ZSWIM5: variants seen among roughly 807,000 people sequenced by gnomAD.
The protein encoded by ZSWIM5 is zinc finger SWIM domain-containing protein 5.
A neutral mutation model predicts 119.6 loss-of-function variants in ZSWIM5; 55 were observed. That is an observed-to-expected ratio of 0.46 (90% confidence interval 0.37 to 0.58). The LOEUF (loss-of-function observed/expected upper bound fraction) is 0.58. Ranked by LOEUF, ZSWIM5 falls within the 20% of genes least tolerant of loss-of-function variation. The pLI, the probability that ZSWIM5 is intolerant of heterozygous loss-of-function variation, is 0.00. For synonymous variants in ZSWIM5, 537 were observed against 606.9 expected (o/e 0.88, Z 1.69); for missense variants, 1,193 against 1,512.8 (o/e 0.79, Z 3.51).
At chr1:45,030,146 GT>G (rs1258464795) in intron 11 of ZSWIM5, among the ~76,000 whole-genome samples, 1 of 152,020 alleles carries the variant, frequency 6.6e-6, no homozygotes, top group African/African-American at 2.4e-5. Context: ...GTCTCACTAT[GT>G]TGCCCAGGCT....
chr1:45,020,853 AATAG>A, intron 11 of ZSWIM5, 65 bp from the exon 12 acceptor site: 1 of 1,533,328 alleles, frequency 6.5e-7, no homozygotes, highest in South Asian at 1.2e-5. Flanking sequence ...AGCTGACTGC[AATAG>A]ATACTCATTG....
intron 1 of ZSWIM5, among the ~76,000 whole-genome samples, chr1:45,199,614 G>C (rs1646147446): frequency 6.6e-6 from 1 of 152,038 alleles, no homozygotes; most frequent in South Asian, 2.1e-4. Context: ...TTTAAATAAG[G>C]TAACTATGTT....
At chr1:45,020,486 C>A (rs767879741) in intron 12 of ZSWIM5, 139 bp downstream of exon 12, 1 of 1,079,214 alleles carries the variant, frequency 9.3e-7, no homozygotes, top group Non-Finnish European at 1.4e-6. Context: ...CTTGCCTTTT[C>A]CCTAGCCTAG....
Position 45,028,802 on chromosome 1 carries a change from G to A in ZSWIM5, c.2449+5510C>T, listed in dbSNP as rs12040867. Among the ~76,000 whole-genome samples the A allele has an allele frequency of 1.0e-3, 158 of 151,886 alleles. 2 individuals carry two copies. In the East Asian group the frequency reaches 0.027, roughly 26 times the overall value. ...TAAATAAAAATAATAATTTTCCTTG[G>A]CTAAGTGTGGTGGCTCACACCTGTA... On this transcript the variant is annotated intron_variant, in intron 11 of 13. Coordinates refer to ENST00000359600, the MANE Select transcript of ZSWIM5 (RefSeq NM_020883.2).
At chr1:45,121,083 G>T (rs1479333128) in intron 1 of ZSWIM5, among the ~76,000 whole-genome samples, 1 of 152,096 alleles carries the variant, frequency 6.6e-6, no homozygotes, top group Non-Finnish European at 1.5e-5. Flanking sequence ...CCGAGTAGCT[G>T]GGACTACAGG....
In ZSWIM5 at chr1:45,051,155, A is replaced by C. The variant is rs1645086256; in HGVS notation, c.1351T>G (p.Cys451Gly). 1 of 1,614,112 alleles carries C rather than the reference A, an allele frequency of 6.2e-7. No homozygotes were observed. The highest frequency in any genetic ancestry group is 1.1e-5 in the South Asian group (1 of 91,090). ...CCATAGTTTCCATCCTCCAGGGGAC[A>C]GACATCCAGGTCGCTCCACTTCTGC... is the stretch of plus-strand genomic sequence containing the variant. ...QLQKWSDLDV[C>G]PLEDGNYGHE... is the part of the protein sequence containing the mutation. Residue 451 changes from cysteine to glycine, a missense_variant, in exon 5 of 14, where the codon TGT becomes GGT. By Grantham distance (159) the Cys-to-Gly change is radical (BLOSUM62 -3). Transcript: ENST00000359600.
At chr1:45,128,165 C>T (rs1645632167) in intron 1 of ZSWIM5, among the ~76,000 whole-genome samples, 1 of 152,152 alleles carries the variant, frequency 6.6e-6, no homozygotes, top group Non-Finnish European at 1.5e-5. Context: ...GTCAAAGGCA[C>T]TTAAATACGG....
chr1:45,138,088 A>G (rs1475750575), intron 1 of ZSWIM5, among the ~76,000 whole-genome samples: 1 of 152,230 alleles, frequency 6.6e-6, no homozygotes, highest in Non-Finnish European at 1.5e-5. Context: ...CTCCATAAAT[A>G]GAAAACATGC....
intron 2 of ZSWIM5, among the ~76,000 whole-genome samples, chr1:45,086,924 C>A (rs1645333917): frequency 2.1e-5 from 3 of 144,600 alleles, no homozygotes; most frequent in Non-Finnish European, 3.0e-5. Context: ...TGCTCTGTCA[C>A]CCAGGCTGGA....
chr1:45,172,801 T>C (rs1171695783), intron 1 of ZSWIM5, among the ~76,000 whole-genome samples: 1 of 152,130 alleles, frequency 6.6e-6, no homozygotes, highest in African/African-American at 2.4e-5. Flanking sequence ...ATATATTTAG[T>C]TTATAATTAT....
At chr1:45,191,304 A>C (rs1410082388) in intron 1 of ZSWIM5, among the ~76,000 whole-genome samples, 1 of 152,168 alleles carries the variant, frequency 6.6e-6, no homozygotes, top group Non-Finnish European at 1.5e-5. Flanking sequence ...GTATGACCTC[A>C]GATGAAGCAG....
In ZSWIM5 at chr1:45,205,803, C is replaced by A. The variant is rs1226749957; in HGVS notation, c.548G>T (p.Gly183Val). 7 of 1,550,446 alleles carry A rather than the reference C, an allele frequency of 4.5e-6. No homozygotes were observed. The highest frequency in any genetic ancestry group is 6.1e-6 in the Non-Finnish European group (7 of 1,152,852). The change falls in exon 1 of 14, where the codon GGC (glycine) becomes GTC (valine). Residue 183 changes from glycine to valine, a missense_variant. Gly to Val is a moderately radical substitution (Grantham distance 109, BLOSUM62 -3). Coordinates refer to ENST00000359600, the MANE Select transcript of ZSWIM5 (RefSeq NM_020883.2). ...CGGEGLPFRR[G>V]IRLLDSGSVE... is the part of the protein sequence containing the mutation. ...GGAGCCGCTGTCCAGCAGACGGATGCCCCGGCGGAACGGGAGCCCCTCGCC... is the reference window on the plus strand; with the variant it reads ...GGAGCCGCTGTCCAGCAGACGGATGACCCGGCGGAACGGGAGCCCCTCGCC...
At chr1:45,110,665 A>G (rs1297031486) in intron 1 of ZSWIM5, among the ~76,000 whole-genome samples, 1 of 152,200 alleles carries the variant, frequency 6.6e-6, no homozygotes, top group Non-Finnish European at 1.5e-5. Flanking sequence ...CAGGTAAAGC[A>G]TTTTCTCATG....
At chr1:45,081,363 C>T (rs560727527) in intron 2 of ZSWIM5, among the ~76,000 whole-genome samples, 5 of 152,176 alleles carry the variant, frequency 3.3e-5, no homozygotes, top group Admixed American at 6.5e-5. Context: ...CACGCCAAGC[C>T]GAAGCTGGAC....
rs577961589 is a variant in ZSWIM5 at position 45,072,555 on chromosome 1, G to C, written c.953-12308C>G. Among the ~76,000 whole-genome samples the C allele has an allele frequency of 1.1e-3, 167 of 152,046 alleles. 2 individuals carry two copies. Among genetic ancestry groups the C allele is most frequent in the African/African-American group, 3.8e-3 (159 of 41,346 alleles). On this transcript the variant is annotated intron_variant, in intron 2 of 13. Transcript: ENST00000359600. This position sits in a 1 kb window ranked among gnomAD's most constrained non-coding sequence, Gnocchi z 4.1. ...TCTTGTAGTAGTTTCATAGTTTCAG[G>C]TCTTAGATTTAAGTCTTTAATCCAT... is the stretch of plus-strand genomic sequence containing the variant.
chr1:45,146,660 G>A (rs1439437878), intron 1 of ZSWIM5, among the ~76,000 whole-genome samples: 2 of 150,894 alleles, frequency 1.3e-5, no homozygotes, highest in South Asian at 2.1e-4. Flanking sequence ...GGCTGGTCTC[G>A]AACTCCTGGC....
At chr1:45,159,284 T>C (rs1645849022) in intron 1 of ZSWIM5, among the ~76,000 whole-genome samples, 1 of 152,130 alleles carries the variant, frequency 6.6e-6, no homozygotes, top group South Asian at 2.1e-4. Flanking sequence ...TTTATTGCTA[T>C]AAAAATTTCA....
At chr1:45,029,099 C>T (rs1285764803) in intron 11 of ZSWIM5, among the ~76,000 whole-genome samples, 1 of 152,226 alleles carries the variant, frequency 6.6e-6, no homozygotes, top group Non-Finnish European at 1.5e-5. Context: ...TCTCCTACAC[C>T]CACAAGACAA....
At chr1:45,024,770 T>C (rs1357558886) in intron 11 of ZSWIM5, among the ~76,000 whole-genome samples, 1 of 152,188 alleles carries the variant, frequency 6.6e-6, no homozygotes, top group East Asian at 1.9e-4. Context: ...TTCTCCTGTC[T>C]CAGCCTCCTG....
Sources: gnomAD v4.1 joint callset for allele counts (sites outside exome capture counted in the v4.1 genomes callset) on GRCh38, gnomAD v4.1.1 for gene constraint, Gnocchi (gnomAD v3.1) non-coding constraint, MANE v1.5 for transcripts, NCBI Gene and HGNC (gene_info 2026-07-23, HGNC 2026-07-21) for gene names.